The following WDFY4 variants were observed in gnomAD, a reference collection of about 807,000 sequenced individuals.
WDFY4 encodes WD repeat- and FYVE domain-containing protein 4.
Under a neutral mutation model 351.9 loss-of-function variants are expected in WDFY4, and 169 were observed. The ratio of observed to expected loss-of-function variants is 0.48; its 90% CI spans 0.42 to 0.55. The LOEUF (loss-of-function observed/expected upper bound fraction) is 0.55, where lower values mean the gene tolerates loss of function less well. WDFY4 is among the 20% of genes least tolerant of loss of function. The probability of loss-of-function intolerance (pLI) is 0.00; values close to 1 mark genes in which losing one functional copy is unlikely to be tolerated. For synonymous variants in WDFY4, 1,622 were observed against 1,574.6 expected, an observed-to-expected ratio of 1.03 and a Z score of -0.71; for missense variants, 3,803 against 3,935.6, an observed-to-expected ratio of 0.97 and a Z score of 0.90.
intron 47 of WDFY4, chr10:48,914,120 C>A: frequency 6.2e-7 from 1 of 1,614,124 alleles, no homozygotes; most frequent in South Asian, 1.1e-5. Context: ...TGAGGGTGAT[C>A]TTCTTGCCCT....
rs543392064 is a variant in WDFY4 at position 48,720,179 on chromosome 10, A to G, written c.349+54A>G. The G allele has an allele frequency of 3.0e-5, 45 of 1,518,662 alleles. No individual in the cohort carries two copies. In the East Asian group the frequency reaches 1.0e-3, roughly 34 times the overall value. 94.1% of individuals were successfully genotyped at this position (1,518,662 alleles called of 1,614,324 possible). On this transcript the variant is annotated intron_variant, in intron 3 of 61. Transcript: ENST00000325239. ...TCTACAGAGAGCAGTGCAGCCCTGC[A>G]TGCCCTCCCAGGCCTCTCAGGCCCC...
At chr10:48,858,805 A>T (rs967623644) in intron 39 of WDFY4, among the ~76,000 whole-genome samples, 8 of 152,162 alleles carry the variant, frequency 5.3e-5, no homozygotes, top group African/African-American at 1.9e-4. Flanking sequence ...GAAATGACAT[A>T]TTTGTAGGTT....
intron 19 of WDFY4, among the ~76,000 whole-genome samples, chr10:48,781,361 A>G (rs1057289912): frequency 1.6e-4 from 25 of 151,882 alleles, no homozygotes; most frequent in African/African-American, 6.0e-4. Context: ...CAATGGTGCG[A>G]TCTCAGCTCT....
At chr10:48,978,814 A>T (rs1219146261) in intron 60 of WDFY4, 1 of 158,382 alleles carries the variant, frequency 6.3e-6, no homozygotes, top group Non-Finnish European at 1.4e-5. Flanking sequence ...ACCCACAATC[A>T]AACATGTTTT....
rs1422399420 is a variant in WDFY4 at position 48,875,091 on chromosome 10, A to G, written c.6951A>G (p.Glu2317=). Residue 2317 remains glutamate (E), a splice_region_variant and synonymous_variant, in exon 42 of 62, where the codon GAA becomes GAG. Coordinates refer to ENST00000325239, the MANE Select transcript of WDFY4 (RefSeq NM_001394531.1). ...TCTTTTCAATGTCCTTATTTCAGGA[A>G]AGCCAAGACAAAAATGATCATATTT... ...LEALSSGRHK[E]SQDKNDHISQ... is the part of the protein sequence containing the mutation. The G allele has an allele frequency of 1.3e-6, 2 of 1,486,088 alleles. No individual in the cohort carries two copies. Among genetic ancestry groups the G allele is most frequent in the Non-Finnish European group, 1.8e-6 (2 of 1,115,760 alleles). 92.1% of individuals were successfully genotyped at this position (1,486,088 alleles called of 1,614,324 possible).
At chr10:48,775,875 A>C in intron 15 of WDFY4, 69 bp downstream of exon 15, 6 of 1,383,024 alleles carry the variant, frequency 4.3e-6, no homozygotes, top group Non-Finnish European at 5.0e-6. Flanking sequence ...CTGCTGAGGG[A>C]TCCTTTACAA....
At chr10:48,846,583 C>T (rs2068784142) in intron 39 of WDFY4, among the ~76,000 whole-genome samples, 1 of 152,204 alleles carries the variant, frequency 6.6e-6, no homozygotes, top group Non-Finnish European at 1.5e-5. Flanking sequence ...TCAGGCTTAC[C>T]TATTTTTTAT....
intron 39 of WDFY4, among the ~76,000 whole-genome samples, chr10:48,852,104 A>G (rs1032334463): frequency 6.6e-6 from 1 of 152,228 alleles, no homozygotes; most frequent in African/African-American, 2.4e-5. Flanking sequence ...GTCTAGGCAG[A>G]TGGGCCTCTG....
At chr10:48,903,961 C>T (rs1837489087) in intron 47 of WDFY4, among the ~76,000 whole-genome samples, 1 of 152,118 alleles carries the variant, frequency 6.6e-6, no homozygotes, top group African/African-American at 2.4e-5. Context: ...AAGGAGTAGC[C>T]AGAAAGGTAG....
In WDFY4 at chr10:48,751,551, G is replaced by A. The variant is rs185305634; in HGVS notation, c.2459+8003G>A. 5.9e-5 allele frequency among the ~76,000 whole-genome samples: 9 copies of A among 152,278 alleles called. No individual in the cohort carries two copies. The East Asian group carries it at 1.7e-3, about 29-fold the overall frequency. ...GGCCTTGGTAACCAATTTGATGAGA[G>A]TGTGAGAGAGACTGGTTGGTGCTAG... On this transcript the variant is annotated intron_variant, in intron 12 of 61. Transcript: ENST00000325239.
In WDFY4 at chr10:48,820,466, T is replaced by C. The variant is rs747595184; in HGVS notation, c.5709+29T>C. 5 of 1,546,274 alleles carry C rather than the reference T, an allele frequency of 3.2e-6. 1 individual carries two copies. In the South Asian group the frequency reaches 6.0e-5, roughly 18 times the overall value. ...GGTTGGAAAAGGTGACATTGGGCCA[T>C]GTGCTGTGGAGGCTGCCGGCATACC... On this transcript the variant is annotated intron_variant, in intron 33 of 61. Coordinates refer to ENST00000325239, the MANE Select transcript of WDFY4 (RefSeq NM_001394531.1).
chr10:48,948,998 G>A (rs1439410570), intron 51 of WDFY4, among the ~76,000 whole-genome samples: 1 of 152,254 alleles, frequency 6.6e-6, no homozygotes, highest in African/African-American at 2.4e-5. Context: ...ATTTTAGCCA[G>A]TCTGGTCCAT....
Position 48,790,937 on chromosome 10 carries a change from TG to T in WDFY4, c.4257+22del, listed in dbSNP as rs1176232577. The T allele has an allele frequency of 2.1e-5, 32 of 1,550,864 alleles. No individual in the cohort carries two copies. The highest frequency in any genetic ancestry group is 2.6e-5 in the Non-Finnish European group (30 of 1,146,378). On this transcript the variant is annotated intron_variant, in intron 23 of 61. Coordinates refer to ENST00000325239, the MANE Select transcript of WDFY4 (RefSeq NM_001394531.1). ...TACCAGGTAATCCCATCCTCCCACC[TG>T]GAACTGAGACTCCTGAAAGGGCTGT...
intron 39 of WDFY4, among the ~76,000 whole-genome samples, chr10:48,857,403 G>T (rs1044850024): frequency 1.3e-5 from 2 of 151,490 alleles, no homozygotes; most frequent in Admixed American, 1.3e-4. Flanking sequence ...TATACAGTTG[G>T]TGCCAATGTC....
intron 12 of WDFY4, among the ~76,000 whole-genome samples, chr10:48,748,838 C>T (rs1212894382): frequency 6.6e-6 from 1 of 152,190 alleles, no homozygotes; most frequent in African/African-American, 2.4e-5. Flanking sequence ...CTCTGCCGTA[C>T]CACACTTGTA....
chr10:48,907,239 G>A (rs1837661625), intron 47 of WDFY4, among the ~76,000 whole-genome samples: 1 of 152,168 alleles, frequency 6.6e-6, no homozygotes, highest in Non-Finnish European at 1.5e-5. Flanking sequence ...GAAATACAAG[G>A]CTAGGATGCC....
intron 13 of WDFY4, among the ~76,000 whole-genome samples, chr10:48,766,877 G>A (rs989039156): frequency 6.6e-6 from 1 of 152,220 alleles, no homozygotes; most frequent in African/African-American, 2.4e-5. Context: ...TAATGAACAT[G>A]CATAAGTGAA....
At chr10:48,694,619 G>A (rs895149335) in intron 1 of WDFY4, among the ~76,000 whole-genome samples, 1 of 152,078 alleles carries the variant, frequency 6.6e-6, no homozygotes, top group Non-Finnish European at 1.5e-5. Context: ...TCCCAGGACC[G>A]CTCCGTGAGA....
chr10:48,817,117 C>T, intron 31 of WDFY4, 128 bp from the exon 32 acceptor site: 3 of 1,104,988 alleles, frequency 2.7e-6, no homozygotes, highest in Non-Finnish European at 1.3e-6. Context: ...TGCTAATCTG[C>T]AGTCTTAAAT....
Sources: allele counts gnomAD v4.1 joint callset (sites outside exome capture counted in the v4.1 genomes callset), GRCh38; gene constraint gnomAD v4.1.1; transcripts MANE v1.5; gene names NCBI Gene and HGNC (gene_info 2026-07-23, HGNC 2026-07-21).